The following IREB2 variants were observed in gnomAD, a reference collection of about 807,000 sequenced individuals.
The protein encoded by IREB2 is iron-responsive element-binding protein 2.
A neutral mutation model predicts 118.8 loss-of-function variants in IREB2; 39 were observed. The ratio of observed to expected loss-of-function variants is 0.33; its 90% CI spans 0.25 to 0.43. The LOEUF (loss-of-function observed/expected upper bound fraction) is 0.43, where lower values mean the gene tolerates loss of function less well. Among genes scored for constraint, IREB2 ranks in the 20% least tolerant of loss-of-function variants. The pLI, the probability that IREB2 is intolerant of heterozygous loss-of-function variation, is 1.00. For missense variants in IREB2, 900 were observed against 1,147.3 expected (o/e 0.78, Z 3.11); for synonymous variants, 372 against 392.2 (o/e 0.95, Z 0.61).
At chr15:78,472,578 G>C (rs2051398313) in intron 7 of IREB2, among the ~76,000 whole-genome samples, 1 of 152,234 alleles carries the variant, frequency 6.6e-6, no homozygotes, top group African/African-American at 2.4e-5. Flanking sequence ...TGCTGGCCTG[G>C]CTGGTTTTGA....
chr15:78,477,916 G>A (rs1182834458), intron 9 of IREB2, among the ~76,000 whole-genome samples: 1 of 151,810 alleles, frequency 6.6e-6, no homozygotes, highest in Non-Finnish European at 1.5e-5. Context: ...GTGAGACCCT[G>A]TTTCTAAAAA....
At chr15:78,493,459 T>G (rs1254624274) in intron 18 of IREB2, among the ~76,000 whole-genome samples, 1 of 152,216 alleles carries the variant, frequency 6.6e-6, no homozygotes, top group Non-Finnish European at 1.5e-5. Flanking sequence ...AAATTCATGT[T>G]TAAAGGTCAA....
At chr15:78,455,066 G>A (rs753633919) in intron 2 of IREB2, among the ~76,000 whole-genome samples, 6 of 152,108 alleles carry the variant, frequency 3.9e-5, no homozygotes, top group Non-Finnish European at 8.8e-5. Flanking sequence ...TGCGGGGACG[G>A]GGTGAAAAAA....
intron 10 of IREB2, among the ~76,000 whole-genome samples, chr15:78,482,692 C>T (rs1336998800): frequency 6.6e-6 from 1 of 151,854 alleles, no homozygotes; most frequent in Non-Finnish European, 1.5e-5. Context: ...TCTATTTTAT[C>T]ATTGGACATC....
intron 20 of IREB2, 125 bp from the exon 21 acceptor site, chr15:78,497,001 T>C: frequency 1.5e-6 from 1 of 655,682 alleles, no homozygotes; most frequent in Non-Finnish European, 2.7e-6. Context: ...AAAATATTGA[T>C]TCAGTATGAG....
intron 2 of IREB2, among the ~76,000 whole-genome samples, chr15:78,461,755 T>C (rs1324478162): frequency 1.3e-5 from 2 of 152,216 alleles, no homozygotes; most frequent in East Asian, 3.8e-4. Flanking sequence ...ACTTTAGCTC[T>C]CATTAGCTAC....
intron 10 of IREB2, among the ~76,000 whole-genome samples, chr15:78,482,943 G>T (rs897745442): frequency 6.6e-6 from 1 of 152,070 alleles, no homozygotes; most frequent in African/African-American, 2.4e-5. Flanking sequence ...GTTTCACTGT[G>T]TTAGCCATGA....
At chr15:78,441,750 G>A (rs1395697183) in intron 2 of IREB2, among the ~76,000 whole-genome samples, 4 of 152,198 alleles carry the variant, frequency 2.6e-5, no homozygotes, top group Non-Finnish European at 5.9e-5. Flanking sequence ...TAACTGTACA[G>A]AGTACATGTG....
intron 2 of IREB2, among the ~76,000 whole-genome samples, chr15:78,448,153 T>A (rs2050962201): frequency 6.6e-6 from 1 of 152,124 alleles, no homozygotes; most frequent in East Asian, 1.9e-4. Flanking sequence ...ATGTATATAT[T>A]TATTTATTTG....
intron 2 of IREB2, among the ~76,000 whole-genome samples, chr15:78,454,719 G>A (rs866370335): frequency 2.6e-5 from 4 of 152,226 alleles, no homozygotes; most frequent in Middle Eastern, 3.4e-3. Context: ...TTAGAGACAG[G>A]GTCTTACTCT....
Position 78,476,274 on chromosome 15 carries a change from A to G in IREB2, c.1110A>G (p.Thr370=). ...AATTATCTATAGTTGATCGAACTAC[A>G]ATAGCAAACATGTGTCCGGAATATG... is the stretch of plus-strand genomic sequence containing the variant. ...VSQLSIVDRT[T]IANMCPEYGA... is the part of the protein sequence containing the mutation. Residue 370 remains threonine, a synonymous_variant, in exon 9 of 22, where the codon ACA becomes ACG. Transcript: ENST00000258886. 2 of 1,610,480 alleles carry G rather than the reference A, an allele frequency of 1.2e-6. No individual in the cohort carries two copies. The highest frequency in any genetic ancestry group is 1.7e-5 in the Admixed American group (1 of 59,994).
chr15:78,455,216 G>A (rs901424137), intron 2 of IREB2, among the ~76,000 whole-genome samples: 2 of 152,180 alleles, frequency 1.3e-5, no homozygotes, highest in Non-Finnish European at 2.9e-5. Context: ...TGGTGCCAAC[G>A]AGTAAGGAGA....
chr15:78,449,563 C>G (rs1369351966), intron 2 of IREB2, among the ~76,000 whole-genome samples: 7 of 152,168 alleles, frequency 4.6e-5, no homozygotes, highest in Non-Finnish European at 7.3e-5. Context: ...ATTGAAAGAC[C>G]TGTAGTTTTT....
chr15:78,459,901 T>C (rs1299996782), intron 2 of IREB2, among the ~76,000 whole-genome samples: 1 of 152,204 alleles, frequency 6.6e-6, no homozygotes, highest in Non-Finnish European at 1.5e-5. Context: ...GATAGCTTCT[T>C]TGGGGTTTCA....
At position 78,475,206 on chromosome 15, in the gene IREB2, C is replaced by G. The variant is rs191948970; in HGVS notation, c.1024-982C>G. The G allele has an allele frequency of 3.2e-4, 49 of 151,898 alleles. No individual in the cohort carries two copies. In the East Asian group the frequency reaches 6.6e-3, roughly 20 times the overall value. The allele number at this position is 151,898 out of a possible 1,614,324, so 9.4% of individuals were successfully genotyped here. A position where few individuals can be genotyped will look rare whatever the true frequency, so the allele number is the denominator to read the frequency against. On this transcript the variant is annotated intron_variant, in intron 8 of 21. Coordinates refer to ENST00000258886, the MANE Select transcript of IREB2 (RefSeq NM_004136.4). ...TTAGGGCTTAATATTATTCATAGATCGAGGATAGTTTCATTCTTAGTCGCC... is the reference window on the plus strand; with the variant it reads ...TTAGGGCTTAATATTATTCATAGATGGAGGATAGTTTCATTCTTAGTCGCC...
intron 5 of IREB2, among the ~76,000 whole-genome samples, chr15:78,467,858 T>G (rs141575197): frequency 6.6e-6 from 1 of 152,238 alleles, no homozygotes; most frequent in East Asian, 1.9e-4. Flanking sequence ...AAGTTGGTTT[T>G]TTTTGTTTTG....
At chr15:78,493,685 ATC>A (rs1235055291) in intron 18 of IREB2, among the ~76,000 whole-genome samples, 1 of 152,048 alleles carries the variant, frequency 6.6e-6, no homozygotes, top group African/African-American at 2.4e-5. Context: ...TGTTAAAATT[ATC>A]TCAGTTTTGC....
At chr15:78,483,030 C>T (rs371705357) in intron 10 of IREB2, among the ~76,000 whole-genome samples, 3 of 152,228 alleles carry the variant, frequency 2.0e-5, no homozygotes, top group African/African-American at 4.8e-5. Context: ...TGAGCCACCG[C>T]GCCCGGCCCC....
intron 2 of IREB2, among the ~76,000 whole-genome samples, chr15:78,440,858 C>T (rs573407895): frequency 6.6e-6 from 1 of 152,242 alleles, no homozygotes; most frequent in African/African-American, 2.4e-5. Context: ...TCTGTGGTCT[C>T]AGAAGAGTGA....
Sources: gnomAD v4.1 joint callset for allele counts (sites outside exome capture counted in the v4.1 genomes callset) on GRCh38, gnomAD v4.1.1 for gene constraint, MANE v1.5 for transcripts, NCBI Gene and HGNC (gene_info 2026-07-23, HGNC 2026-07-21) for gene names.